The following IGF2R variants were observed in gnomAD, a reference collection of about 807,000 sequenced individuals.
The protein encoded by IGF2R is insulin like growth factor 2 receptor.
IGF2R carries 91 observed loss-of-function variants against 270.6 expected under a neutral mutation model. The ratio of observed to expected loss-of-function variants is 0.34; its 90% CI spans 0.28 to 0.40. The LOEUF (loss-of-function observed/expected upper bound fraction) is 0.40, where lower values mean the gene tolerates loss of function less well. IGF2R is among the 10% of genes least tolerant of loss of function. IGF2R has a pLI of 1.00. For synonymous variants in IGF2R, 1,316 were observed against 1,258.9 expected (o/e 1.05, Z -0.96); for missense variants, 2,805 against 3,188.3 (o/e 0.88, Z 2.90).
At chr6:159,974,283 A>G (rs1028167631) in intron 1 of IGF2R, among the ~76,000 whole-genome samples, 6 of 152,166 alleles carry the variant, frequency 3.9e-5, no homozygotes, top group Admixed American at 2.0e-4. Flanking sequence ...GGAATCCTGG[A>G]TGATGTTCAC....
intron 2 of IGF2R, among the ~76,000 whole-genome samples, chr6:160,001,957 C>T (rs182201168): frequency 9.2e-5 from 14 of 152,338 alleles, no homozygotes; most frequent in African/African-American, 3.4e-4. Flanking sequence ...ATTTCACTCC[C>T]TCTAACCTTA....
chr6:159,977,484 C>T (rs1562329430), intron 1 of IGF2R, among the ~76,000 whole-genome samples: 1 of 138,498 alleles, frequency 7.2e-6, no homozygotes, highest in Non-Finnish European at 1.5e-5. Context: ...CAATGTCACC[C>T]CCAAGCGCTG....
chr6:159,993,173 G>A (rs1784003827), intron 2 of IGF2R, among the ~76,000 whole-genome samples: 1 of 152,138 alleles, frequency 6.6e-6, no homozygotes, highest in African/African-American at 2.4e-5. Flanking sequence ...TGCACAGTTT[G>A]CAAATATTTT....
At chr6:160,059,219 C>A in intron 22 of IGF2R, 121 bp downstream of exon 22, 1 of 773,602 alleles carries the variant, frequency 1.3e-6, no homozygotes, top group Non-Finnish European at 2.0e-6. Flanking sequence ...GTGCTGTCCA[C>A]CTTGCTGCAG....
At position 160,105,544 on chromosome 6, in the gene IGF2R, G is replaced by A. The variant is rs900146255; in HGVS notation, c.*460G>A. On this transcript the variant is annotated 3_prime_UTR_variant, in exon 48 of 48. Coordinates refer to ENST00000356956, the MANE Select transcript of IGF2R (RefSeq NM_000876.4). ...CCACCGTTTCTTCCTGCCAGCAGGG[G>A]TGTGATGTACCAGTTTGTCCATCTT... 1 of 156,860 alleles carries A rather than the reference G, an allele frequency of 6.4e-6. No homozygotes were observed. Among genetic ancestry groups the A allele is most frequent in the African/African-American group, 2.4e-5 (1 of 41,610 alleles). The allele number at this position is 156,860 out of a possible 1,614,324, so 9.7% of individuals were successfully genotyped here.
In IGF2R at chr6:160,073,203, TGTG is replaced by T; in HGVS notation, c.4691-6_4691-4del. 2.5e-6 allele frequency: 4 copies of T among 1,610,132 alleles called. No individual in the cohort carries two copies. Among genetic ancestry groups the T allele is most frequent in the Non-Finnish European group, 3.4e-6 (4 of 1,176,848 alleles). On this transcript the variant is annotated splice_region_variant and splice_polypyrimidine_tract_variant and intron_variant, in intron 33 of 47. Coordinates refer to ENST00000356956, the MANE Select transcript of IGF2R (RefSeq NM_000876.4). ...GATTGTGTTTTCTCCGCCTTTCCCT[TGTG>T]GTGCAGGGGCCTGCTTTGGACAGAC... is the stretch of plus-strand genomic sequence containing the variant.
intron 7 of IGF2R, 58 bp downstream of exon 7, chr6:160,029,713 C>T (rs954420061): frequency 2.2e-5 from 28 of 1,261,352 alleles, no homozygotes; most frequent in South Asian, 1.1e-4. Context: ...GTTGCCCATG[C>T]GAACGCGTTT....
chr6:159,998,263 G>A lies in IGF2R; in HGVS notation c.289+6940G>A, dbSNP rs534733029. On this transcript the variant is annotated intron_variant, in intron 2 of 47. Transcript: ENST00000356956. The surrounding 1 kb of genome is among the most constrained non-coding windows in gnomAD (Gnocchi z 4.1). The stretch of plus-strand genomic sequence containing the variant: ...TTTGGCTAATGAAAGTATGTCTTGA[G>A]TTTATGGTAGTATAGTATGGTATGG... Among the ~76,000 whole-genome samples the A allele has an allele frequency of 1.3e-5, 2 of 152,314 alleles. No individual in the cohort carries two copies. Among genetic ancestry groups the A allele is most frequent in the East Asian group, 3.9e-4 (2 of 5,186 alleles).
intron 23 of IGF2R, 83 bp downstream of exon 23, chr6:160,060,800 G>C: frequency 1.5e-6 from 2 of 1,361,478 alleles, no homozygotes; most frequent in South Asian, 1.3e-5. Context: ...GTTTCTGTGT[G>C]TATGTATATT....
At chr6:159,997,000 T>C (rs1229075635) in intron 2 of IGF2R, among the ~76,000 whole-genome samples, 2 of 152,044 alleles carry the variant, frequency 1.3e-5, no homozygotes, top group Admixed American at 1.3e-4. Flanking sequence ...CCCACAGCAG[T>C]GGGTAGAGGG....
intron 1 of IGF2R, among the ~76,000 whole-genome samples, chr6:159,987,282 T>C (rs1172922789): frequency 6.6e-6 from 1 of 152,244 alleles, no homozygotes; most frequent in Admixed American, 6.5e-5. Flanking sequence ...TTAACCAGGG[T>C]GCATACCAGA....
intron 2 of IGF2R, among the ~76,000 whole-genome samples, chr6:159,991,922 C>T (rs545263366): frequency 6.6e-6 from 1 of 152,280 alleles, no homozygotes; most frequent in South Asian, 2.1e-4. Flanking sequence ...GAATATGAAT[C>T]CAAGTGGATT....
At chr6:160,026,667 C>T (rs1283147339) in intron 5 of IGF2R, among the ~76,000 whole-genome samples, 1 of 152,224 alleles carries the variant, frequency 6.6e-6, no homozygotes, top group African/African-American at 2.4e-5. Flanking sequence ...GCGGGATGTT[C>T]TGGACATATT....
intron 36 of IGF2R, among the ~76,000 whole-genome samples, chr6:160,077,733 G>A (rs942623318): frequency 2.0e-5 from 3 of 152,086 alleles, no homozygotes; most frequent in African/African-American, 7.2e-5. Flanking sequence ...TTTTTTTGTT[G>A]CTGTTGAATG....
intron 39 of IGF2R, among the ~76,000 whole-genome samples, 187 bp downstream of exon 39, chr6:160,080,462 G>A (rs967105353): frequency 2.0e-5 from 3 of 152,206 alleles, no homozygotes; most frequent in African/African-American, 4.8e-5. Flanking sequence ...CTGGGTAACC[G>A]TATCTACAGA....
chr6:160,098,266 G>C (rs949534248), intron 45 of IGF2R, among the ~76,000 whole-genome samples: 1 of 152,124 alleles, frequency 6.6e-6, no homozygotes, highest in Non-Finnish European at 1.5e-5. Context: ...TTTGGTGTTT[G>C]ACTCTAAAAC....
intron 1 of IGF2R, among the ~76,000 whole-genome samples, chr6:159,987,735 ATGTTT>A (rs1448315255): frequency 6.6e-6 from 1 of 152,218 alleles, no homozygotes; most frequent in African/African-American, 2.4e-5. Flanking sequence ...AAACATCAGA[ATGTTT>A]TAAGTACTGA....
At chr6:160,008,851 A>G (rs3734181) in intron 2 of IGF2R, among the ~76,000 whole-genome samples, 159 bp from the exon 3 acceptor site, 38,509 of 151,568 alleles carry the variant, frequency 0.25, 5,438 homozygotes, top group East Asian at 0.57. Flanking sequence ...TGTAATGGGG[A>G]TGCCACTCTG....
In IGF2R at chr6:160,105,372, A is replaced by C. The variant is rs1779591531; in HGVS notation, c.*288A>C. ...AAAAGCATAAGGCCGGACGCATCTC[A>C]AAACAGAGGGCTGCATTCGAAGAAA... On this transcript the variant is annotated 3_prime_UTR_variant, in exon 48 of 48. Transcript: ENST00000356956. 2 of 319,738 alleles carry C rather than the reference A, an allele frequency of 6.3e-6. No homozygotes were observed. 19.8% of individuals were successfully genotyped at this position (319,738 alleles called of 1,614,324 possible).
Sources: allele counts gnomAD v4.1 joint callset (sites outside exome capture counted in the v4.1 genomes callset), GRCh38; gene constraint gnomAD v4.1.1; non-coding constraint Gnocchi (gnomAD v3.1); transcripts MANE v1.5; gene names NCBI Gene and HGNC (gene_info 2026-07-23, HGNC 2026-07-21).